OSBP2: variants seen among roughly 807,000 people sequenced by gnomAD.
OSBP2 encodes oxysterol binding protein 2, also known as oxysterol-binding protein 2.
OSBP2 carries 66 observed loss-of-function variants against 96.0 expected under a neutral mutation model. The ratio of observed to expected loss-of-function variants is 0.69; its 90% CI spans 0.56 to 0.84. OSBP2 has a LOEUF of 0.84. Ranked by LOEUF, OSBP2 falls within the 40% of genes least tolerant of loss-of-function variation. The probability of loss-of-function intolerance (pLI) is 0.00; values close to 1 mark genes in which losing one functional copy is unlikely to be tolerated. For missense variants in OSBP2, 1,038 were observed against 1,222.7 expected (o/e 0.85, Z 2.25); for synonymous variants, 525 against 520.9 (o/e 1.01, Z -0.11).
chr22:30,835,704 G>A (rs922179370), intron 2 of OSBP2, among the ~76,000 whole-genome samples: 4 of 149,560 alleles, frequency 2.7e-5, no homozygotes, highest in African/African-American at 7.4e-5. Flanking sequence ...TAAATGATAC[G>A]AAATATGTAG....
chr22:30,874,995 T>C (rs1051797298), intron 3 of OSBP2, among the ~76,000 whole-genome samples: 2 of 152,192 alleles, frequency 1.3e-5, no homozygotes, highest in African/African-American at 4.8e-5. Context: ...TACTCACGGG[T>C]GTCCCCGACA....
At chr22:30,718,218 C>T (rs1317401078) in intron 1 of OSBP2, among the ~76,000 whole-genome samples, 3 of 152,138 alleles carry the variant, frequency 2.0e-5, no homozygotes, top group African/African-American at 7.2e-5. Context: ...TATCCATTCC[C>T]CATTTTAGAG....
intron 2 of OSBP2, among the ~76,000 whole-genome samples, chr22:30,841,612 T>G (rs1477910341): frequency 6.6e-6 from 1 of 152,234 alleles, no homozygotes; most frequent in Non-Finnish European, 1.5e-5. Context: ...TTTTTTGGTT[T>G]CCTGATGCAT....
At chr22:30,884,911 G>A (rs927855375) in intron 3 of OSBP2, among the ~76,000 whole-genome samples, 8 of 152,248 alleles carry the variant, frequency 5.3e-5, no homozygotes, top group African/African-American at 1.9e-4. Context: ...GACCCAATGG[G>A]CAGGCATCTG....
upstream of OSBP2, chr22:30,694,072 G>C: frequency 1.9e-5 from 22 of 1,186,302 alleles, no homozygotes; most frequent in Non-Finnish European, 2.6e-5. Context: ...TGCACAGACA[G>C]GTAAACCTCT....
intron 2 of OSBP2, among the ~76,000 whole-genome samples, chr22:30,835,317 T>TA (rs1231572791): frequency 6.6e-6 from 1 of 152,172 alleles, no homozygotes; most frequent in African/African-American, 2.4e-5. Flanking sequence ...TTAATTTTTT[T>TA]ATATAGGGTA....
At chr22:30,850,023 C>T (rs998710291) in intron 2 of OSBP2, among the ~76,000 whole-genome samples, 12 of 152,040 alleles carry the variant, frequency 7.9e-5, no homozygotes, top group Admixed American at 2.0e-4. Flanking sequence ...GTTGATCAGG[C>T]TGGGCGTGGT....
Position 30,871,226 on chromosome 22 carries a change from C to T in OSBP2, c.1107+544C>T, listed in dbSNP as rs767662285. Among the ~76,000 whole-genome samples, 7 of 152,086 alleles carry T rather than the reference C, an allele frequency of 4.6e-5. No homozygotes were observed. Among genetic ancestry groups the T allele is most frequent in the African/African-American group, 7.2e-5 (3 of 41,400 alleles). ...CCTGATGGTAGACAAAGCAGGTAAC[C>T]GCAGTTGTAAACTAAGCAGCCCCGC... On this transcript the variant is annotated intron_variant, in intron 3 of 13. Coordinates refer to ENST00000332585, the MANE Select transcript of OSBP2 (RefSeq NM_030758.4). The surrounding 1 kb of genome is among the most constrained non-coding windows in gnomAD (Gnocchi z 4.7).
At chr22:30,867,401 T>C (rs1027076970) in intron 2 of OSBP2, among the ~76,000 whole-genome samples, 1 of 152,186 alleles carries the variant, frequency 6.6e-6, no homozygotes, top group African/African-American at 2.4e-5. Flanking sequence ...TGCCTTCTCA[T>C]GTGTGATCGC....
chr22:30,725,643 C>T (rs556214840), intron 1 of OSBP2, among the ~76,000 whole-genome samples: 1 of 152,280 alleles, frequency 6.6e-6, no homozygotes, highest in African/African-American at 2.4e-5. Flanking sequence ...TCCTGATCTC[C>T]TCCCCTTTCC....
chr22:30,782,973 C>T (rs2090538409), intron 2 of OSBP2, among the ~76,000 whole-genome samples: 1 of 151,276 alleles, frequency 6.6e-6, no homozygotes, highest in Non-Finnish European at 1.5e-5. Flanking sequence ...ATGAGCAATA[C>T]TTATTTTGCC....
chr22:30,877,936 T>C (rs2039618758), intron 3 of OSBP2, among the ~76,000 whole-genome samples: 1 of 152,246 alleles, frequency 6.6e-6, no homozygotes, highest in African/African-American at 2.4e-5. Flanking sequence ...CGCACCCTCC[T>C]GTGGGAGCTG....
rs186063942 is a variant in OSBP2, at chr22:30,849,073, C to T, written c.854-21356C>T. On this transcript the variant is annotated intron_variant, in intron 2 of 13. Transcript: ENST00000332585. ...CCTGAGGCCAAAACTTTGAGACCAGCCTGGCCAACATAACAGTACCCCATC... is the reference window on the plus strand; with the variant it reads ...CCTGAGGCCAAAACTTTGAGACCAGTCTGGCCAACATAACAGTACCCCATC... Among the ~76,000 whole-genome samples the T allele has an allele frequency of 1.9e-3, 289 of 152,136 alleles. 3 individuals carry two copies. Among genetic ancestry groups the T allele is most frequent in the African/African-American group, 6.7e-3 (277 of 41,504 alleles).
In OSBP2 at chr22:30,706,410, C is replaced by T. The variant is rs932377516; in HGVS notation, c.644+10857C>T. Among the ~76,000 whole-genome samples the T allele has an allele frequency of 5.3e-5, 8 of 152,170 alleles. No homozygotes were observed. In the East Asian group the frequency reaches 1.2e-3, roughly 22 times the overall value. ...TCATTCCATTTGGCATCTTGTCACA[C>T]GCACAGCCACAGCTCTACATTTAAT... is the stretch of plus-strand genomic sequence containing the variant. On this transcript the variant is annotated intron_variant, in intron 1 of 13. Coordinates refer to ENST00000332585, the MANE Select transcript of OSBP2 (RefSeq NM_030758.4).
chr22:30,739,568 G>A (rs1443030904), intron 1 of OSBP2, among the ~76,000 whole-genome samples: 1 of 150,880 alleles, frequency 6.6e-6, no homozygotes, highest in Non-Finnish European at 1.5e-5. Flanking sequence ...TCCGCCTCCC[G>A]GGTTCAAGTG....
chr22:30,788,993 G>A (rs1001417680), intron 2 of OSBP2, among the ~76,000 whole-genome samples: 3 of 152,156 alleles, frequency 2.0e-5, no homozygotes, highest in Non-Finnish European at 2.9e-5. Flanking sequence ...GATTACAAGC[G>A]TGAGCCACCA....
At chr22:30,832,000 G>T (rs2038532724) in intron 2 of OSBP2, among the ~76,000 whole-genome samples, 1 of 152,146 alleles carries the variant, frequency 6.6e-6, no homozygotes, top group East Asian at 1.9e-4. Flanking sequence ...TTCTGGTGAT[G>T]ATCTGACCTT....
intron 1 of OSBP2, among the ~76,000 whole-genome samples, chr22:30,727,194 A>G (rs575944930): frequency 6.6e-6 from 1 of 152,338 alleles, no homozygotes; most frequent in Admixed American, 6.5e-5. Context: ...TGTGGTAGTT[A>G]GGATGAACAA....
At chr22:30,820,157 AC>A (rs2091130414) in intron 2 of OSBP2, among the ~76,000 whole-genome samples, 1 of 152,184 alleles carries the variant, frequency 6.6e-6, no homozygotes, top group African/African-American at 2.4e-5. Flanking sequence ...AGGTAGGAGG[AC>A]TGCTTGAAGC....
Sources: allele counts gnomAD v4.1 joint callset (sites outside exome capture counted in the v4.1 genomes callset), GRCh38; gene constraint gnomAD v4.1.1; non-coding constraint Gnocchi (gnomAD v3.1); transcripts MANE v1.5; gene names NCBI Gene and HGNC (gene_info 2026-07-23, HGNC 2026-07-21).